TACR1: variants seen among roughly 807,000 people sequenced by gnomAD.
TACR1 encodes substance-P receptor.
In TACR1, 25 loss-of-function variants were observed where a neutral mutation model predicts 35.8. The ratio of observed to expected loss-of-function variants is 0.70; its 90% CI spans 0.51 to 0.98. The LOEUF is 0.98. TACR1 is among the 50% of genes least tolerant of loss of function. The pLI, the probability that TACR1 is intolerant of heterozygous loss-of-function variation, is 0.00. For synonymous variants in TACR1, 195 were observed against 206.7 expected (o/e 0.94, Z 0.48); for missense variants, 478 against 522.9 (o/e 0.91, Z 0.84).
At chr2:75,147,764 TAC>T (rs1195781831) in intron 1 of TACR1, among the ~76,000 whole-genome samples, 5 of 147,280 alleles carry the variant, frequency 3.4e-5, no homozygotes, top group African/African-American at 1.2e-4. Flanking sequence ...TTTTTTCTGA[TAC>T]AGAGTCTCCC....
intron 1 of TACR1, among the ~76,000 whole-genome samples, chr2:75,161,487 A>G (rs779610664): frequency 2.8e-4 from 43 of 152,280 alleles, no homozygotes; most frequent in Middle Eastern, 3.4e-3. Flanking sequence ...TACAATCAAT[A>G]CAGTTTTATT....
At position 75,051,337 on chromosome 2, in the gene TACR1, A is replaced by G; in HGVS notation, c.846T>C (p.Phe282=). ...TGATGGCCAGGTAGACCTGCTGGAT[A>G]AACTTCTTCAGGTAGAGATCTGGGT... ...YINPDLYLKK[F]IQQVYLAIMW... The change falls in exon 4 of 5, where the codon TTT becomes TTC. Residue 282 remains phenylalanine (F), a synonymous_variant. Transcript: ENST00000305249. The G allele has an allele frequency of 6.2e-7, 1 of 1,614,188 alleles. No homozygotes were observed. Among genetic ancestry groups the G allele is most frequent in the Non-Finnish European group, 8.5e-7 (1 of 1,180,020 alleles).
rs914457277 is a variant in TACR1 at position 75,198,762 on chromosome 2, A to G, written c.173T>C (p.Leu58Ser). The change falls in exon 1 of 5, where the codon TTA becomes TCA. Residue 58 changes from leucine (L) to serine (S), a missense_variant. Leu to Ser is a moderately radical substitution (Grantham distance 145). Transcript: ENST00000305249. ...VGNVVVMWII[L>S]AHKRMRTVTN... ...CACTGTCCTCATTCTTTTGTGGGCT[A>G]AGATGATCCACATCACTACCACGTT... 6.2e-7 allele frequency: 1 copy of G among 1,614,110 alleles called. No homozygotes were observed. Among genetic ancestry groups the G allele is most frequent in the Non-Finnish European group, 8.5e-7 (1 of 1,180,046 alleles).
At chr2:75,167,243 A>C (rs1247936052) in intron 1 of TACR1, among the ~76,000 whole-genome samples, 2 of 152,214 alleles carry the variant, frequency 1.3e-5, no homozygotes, top group Non-Finnish European at 2.9e-5. Context: ...TGCAATTCCA[A>C]TAAAATCACA....
At chr2:75,142,446 G>C (rs1674427533) in intron 1 of TACR1, among the ~76,000 whole-genome samples, 1 of 152,152 alleles carries the variant, frequency 6.6e-6, no homozygotes, top group African/African-American at 2.4e-5. Flanking sequence ...TCTCTTATAA[G>C]CTCTTCAGTT....
intron 1 of TACR1, among the ~76,000 whole-genome samples, chr2:75,193,589 G>A (rs3771866): frequency 1.3e-5 from 2 of 152,082 alleles, no homozygotes; most frequent in East Asian, 3.8e-4. Context: ...TTGACCTGAG[G>A]CACTTTGCAA....
intron 4 of TACR1, among the ~76,000 whole-genome samples, chr2:75,050,737 G>A (rs1672447408): frequency 6.6e-6 from 1 of 152,210 alleles, no homozygotes; most frequent in Non-Finnish European, 1.5e-5. Context: ...GGAACTGCTG[G>A]AAGAAAATGG....
At chr2:75,071,647 C>T (rs1213191853) in intron 2 of TACR1, among the ~76,000 whole-genome samples, 1 of 152,206 alleles carries the variant, frequency 6.6e-6, no homozygotes, top group Non-Finnish European at 1.5e-5. Flanking sequence ...CTGCTCTGAT[C>T]ATTGATACAA....
At chr2:75,095,515 AAGC>A (rs1673404553) in intron 2 of TACR1, among the ~76,000 whole-genome samples, 1 of 152,144 alleles carries the variant, frequency 6.6e-6, no homozygotes, top group African/African-American at 2.4e-5. Flanking sequence ...AGAGGGAAGA[AAGC>A]AGGGGCTGAG....
At chr2:75,157,774 T>A (rs2103984458) in intron 1 of TACR1, among the ~76,000 whole-genome samples, 1 of 152,010 alleles carries the variant, frequency 6.6e-6, no homozygotes, top group South Asian at 2.1e-4. Context: ...ATTCTGTTCT[T>A]TCAGTTCTGC....
intron 1 of TACR1, chr2:75,187,499 G>C (rs924599513): frequency 6.6e-6 from 1 of 152,150 alleles, no homozygotes; most frequent in Admixed American, 6.5e-5. Flanking sequence ...GCACAGTTCC[G>C]AGGTCTAAGT....
At chr2:75,137,956 A>T (rs1333532208) in intron 1 of TACR1, among the ~76,000 whole-genome samples, 4 of 152,144 alleles carry the variant, frequency 2.6e-5, no homozygotes, top group Non-Finnish European at 4.4e-5. Flanking sequence ...GGTAGGCTTC[A>T]TCAGTGCTAC....
chr2:75,175,698 C>A (rs2104029179), intron 1 of TACR1, among the ~76,000 whole-genome samples: 1 of 152,240 alleles, frequency 6.6e-6, no homozygotes, highest in African/African-American at 2.4e-5. Flanking sequence ...ATTGAGCCCA[C>A]CCAGAATGCC....
chr2:75,082,334 G>T lies in TACR1; in HGVS notation c.585-28579C>A, dbSNP rs189706420. Among the ~76,000 whole-genome samples the T allele has an allele frequency of 8.3e-3, 1,258 of 152,176 alleles. 14 individuals carry two copies. Among genetic ancestry groups the T allele is most frequent in the South Asian group, 0.019 (91 of 4,798 alleles). ...CCAGTCTATCATTTATGGACATTTG[G>T]GTTGGTTGGTTCCAAGTCTTTGCTA... is the stretch of plus-strand genomic sequence containing the variant. On this transcript the variant is annotated intron_variant, in intron 2 of 4. Transcript: ENST00000305249.
At chr2:75,175,706 G>T (rs2104029205) in intron 1 of TACR1, among the ~76,000 whole-genome samples, 1 of 152,132 alleles carries the variant, frequency 6.6e-6, no homozygotes, top group African/African-American at 2.4e-5. Flanking sequence ...CACCCAGAAT[G>T]CCCAGGGAAA....
chr2:75,102,007 A>C (rs1673542449), intron 2 of TACR1, among the ~76,000 whole-genome samples: 2 of 152,310 alleles, frequency 1.3e-5, no homozygotes, highest in Admixed American at 6.5e-5. Context: ...GGGTTGCTTG[A>C]CTAGTGGCAT....
intron 1 of TACR1, among the ~76,000 whole-genome samples, chr2:75,179,143 T>C: frequency 6.6e-6 from 1 of 152,216 alleles, no homozygotes; most frequent in East Asian, 1.9e-4. Flanking sequence ...CCTATTTCTT[T>C]TCCAGTCTTC....
chr2:75,135,898 C>T (rs999297817), intron 1 of TACR1, among the ~76,000 whole-genome samples: 1 of 152,188 alleles, frequency 6.6e-6, no homozygotes, highest in South Asian at 2.1e-4. Context: ...CTCCCACCTC[C>T]CCTATATTCT....
At chr2:75,157,248 A>T (rs1674885210) in intron 1 of TACR1, among the ~76,000 whole-genome samples, 1 of 152,116 alleles carries the variant, frequency 6.6e-6, no homozygotes, top group African/African-American at 2.4e-5. Flanking sequence ...CTTCTCCTCC[A>T]AGTCTAAACA....
Sources: allele counts gnomAD v4.1 joint callset (sites outside exome capture counted in the v4.1 genomes callset), GRCh38; gene constraint gnomAD v4.1.1; transcripts MANE v1.5; gene names NCBI Gene and HGNC (gene_info 2026-07-23, HGNC 2026-07-21).